Variants in ZNF385B observed in about 807,000 individuals in gnomAD.
ZNF385B encodes the protein zinc finger protein 533.
Under a neutral mutation model 39.2 loss-of-function variants are expected in ZNF385B, and 23 were observed. That is an observed-to-expected ratio of 0.59 (90% CI 0.42 to 0.83). The LOEUF (loss-of-function observed/expected upper bound fraction) is 0.83. Ranked by LOEUF, ZNF385B falls within the 40% of genes least tolerant of loss-of-function variation. The pLI, the probability that ZNF385B is intolerant of heterozygous loss-of-function variation, is 0.00. For missense variants in ZNF385B, 552 were observed against 598.9 expected (o/e 0.92, Z 0.82); for synonymous variants, 205 against 222.6 (o/e 0.92, Z 0.70).
intron 3 of ZNF385B, among the ~76,000 whole-genome samples, chr2:179,666,262 T>C (rs1695143047): frequency 6.6e-6 from 1 of 152,212 alleles, no homozygotes; most frequent in African/African-American, 2.4e-5. Context: ...CTGAAAATCA[T>C]GTATTTTATA....
intron 3 of ZNF385B, among the ~76,000 whole-genome samples, chr2:179,559,195 C>T (rs1473650738): frequency 6.6e-6 from 1 of 152,158 alleles, no homozygotes; most frequent in Admixed American, 6.5e-5. Context: ...TGAGCAGGAA[C>T]AACCTAGTGA....
intron 3 of ZNF385B, among the ~76,000 whole-genome samples, chr2:179,546,835 C>T (rs1043620653): frequency 4.0e-5 from 6 of 149,652 alleles, no homozygotes; most frequent in East Asian, 1.9e-4. Flanking sequence ...GTTAATTTAC[C>T]TTTCCACCAA....
chr2:179,741,084 G>A (rs1312672182), intron 3 of ZNF385B, among the ~76,000 whole-genome samples: 2 of 152,082 alleles, frequency 1.3e-5, no homozygotes, highest in Non-Finnish European at 2.9e-5. Flanking sequence ...CAAAACTTGG[G>A]TTAATGGCAC....
intron 3 of ZNF385B, among the ~76,000 whole-genome samples, chr2:179,725,941 T>G (rs946983400): frequency 3.5e-4 from 53 of 150,110 alleles, no homozygotes; most frequent in Admixed American, 3.0e-3. Context: ...TATGTGTATA[T>G]ACAGAGAGAG....
At chr2:179,696,752 T>C (rs1455835061) in intron 3 of ZNF385B, among the ~76,000 whole-genome samples, 1 of 152,152 alleles carries the variant, frequency 6.6e-6, no homozygotes, top group Non-Finnish European at 1.5e-5. Flanking sequence ...TATTTTCATA[T>C]CAACATACGT....
rs146091730 is a variant in ZNF385B at position 179,605,631 on chromosome 2, C to T, written c.299-60662G>A. ...AGGCTCTGAATAGCTATATTTACTG[C>T]GTGATTTGATTCAATATGAAAAGTG... On this transcript the variant is annotated intron_variant, in intron 3 of 9. Transcript: ENST00000410066. Among the ~76,000 whole-genome samples, 515 of 152,114 alleles carry T rather than the reference C, an allele frequency of 3.4e-3. 2 individuals carry two copies. The highest frequency in any genetic ancestry group is 0.011 in the African/African-American group (476 of 41,512).
chr2:179,470,899 G>A (rs2052700179), intron 6 of ZNF385B, among the ~76,000 whole-genome samples: 1 of 72,726 alleles, frequency 1.4e-5, no homozygotes, highest in Non-Finnish European at 2.9e-5. Flanking sequence ...ACTGGATGAG[G>A]TTTCCCTCTC....
intron 3 of ZNF385B, among the ~76,000 whole-genome samples, chr2:179,751,202 G>A (rs1344509122): frequency 8.8e-6 from 1 of 113,642 alleles, no homozygotes; most frequent in South Asian, 3.1e-4. Context: ...TCTGCCTACT[G>A]CATACAAGGT....
At chr2:179,772,576 TC>T (rs1165466413) in intron 1 of ZNF385B, among the ~76,000 whole-genome samples, 1 of 152,194 alleles carries the variant, frequency 6.6e-6, no homozygotes, top group Non-Finnish European at 1.5e-5. Context: ...AGGCAAGATA[TC>T]AGAGTCTCAG....
intron 1 of ZNF385B, among the ~76,000 whole-genome samples, chr2:179,771,604 G>T (rs977921040): frequency 6.6e-6 from 1 of 152,134 alleles, no homozygotes; most frequent in African/African-American, 2.4e-5. Context: ...AGCTATAATT[G>T]AAATGGGGTT....
chr2:179,707,838 A>G (rs927387070), intron 3 of ZNF385B, among the ~76,000 whole-genome samples: 1 of 152,218 alleles, frequency 6.6e-6, no homozygotes, highest in Non-Finnish European at 1.5e-5. Flanking sequence ...CTGAGAAAAT[A>G]GATAAACAGC....
intron 3 of ZNF385B, among the ~76,000 whole-genome samples, chr2:179,683,269 AAT>A (rs1697667097): frequency 6.6e-6 from 1 of 151,876 alleles, no homozygotes; most frequent in African/African-American, 2.4e-5. Context: ...TGGCACCTGT[AAT>A]CGCAGCTACT....
At chr2:179,789,517 C>T (rs551048066) in intron 1 of ZNF385B, among the ~76,000 whole-genome samples, 1 of 152,160 alleles carries the variant, frequency 6.6e-6, no homozygotes, top group Non-Finnish European at 1.5e-5. Flanking sequence ...GAGAAGATGA[C>T]AGGCAAGAAT....
chr2:179,724,534 C>CA (rs1700886795), intron 3 of ZNF385B, among the ~76,000 whole-genome samples: 1 of 152,114 alleles, frequency 6.6e-6, no homozygotes, highest in Non-Finnish European at 1.5e-5. Context: ...AATTAAGCCT[C>CA]AAAATTCACT....
chr2:179,540,498 A>G (rs547649901), intron 4 of ZNF385B, among the ~76,000 whole-genome samples: 1 of 152,140 alleles, frequency 6.6e-6, no homozygotes, highest in South Asian at 2.1e-4. Context: ...AACAACAACA[A>G]AAAAAACCAC....
intron 6 of ZNF385B, among the ~76,000 whole-genome samples, chr2:179,456,988 C>T (rs1559253628): frequency 6.6e-6 from 1 of 152,016 alleles, no homozygotes; most frequent in South Asian, 2.1e-4. Context: ...CACGTAAATA[C>T]AATACACCTG....
chr2:179,822,947 C>T (rs1473193445), intron 1 of ZNF385B, among the ~76,000 whole-genome samples: 1 of 152,002 alleles, frequency 6.6e-6, no homozygotes, highest in Non-Finnish European at 1.5e-5. Flanking sequence ...ATAACTCTGA[C>T]CGTTGTGAGG....
chr2:179,702,260 T>C (rs539777717), intron 3 of ZNF385B, among the ~76,000 whole-genome samples: 16 of 152,348 alleles, frequency 1.1e-4, no homozygotes, highest in African/African-American at 3.8e-4. Context: ...AAATACATGC[T>C]AGTGAAAATC....
intron 4 of ZNF385B, among the ~76,000 whole-genome samples, chr2:179,519,836 AAT>A (rs1282936201): frequency 6.6e-6 from 1 of 152,232 alleles, no homozygotes; most frequent in Non-Finnish European, 1.5e-5. Context: ...AGGAGAAATG[AAT>A]ACTATCTCTG....
Sources: allele counts gnomAD v4.1 joint callset (sites outside exome capture counted in the v4.1 genomes callset), GRCh38; gene constraint gnomAD v4.1.1; transcripts MANE v1.5; gene names NCBI Gene and HGNC (gene_info 2026-07-23, HGNC 2026-07-21).